GPHN: variants seen among roughly 807,000 people sequenced by gnomAD.
GPHN encodes the protein gephyrin.
GPHN carries 17 observed loss-of-function variants against 95.5 expected under a neutral mutation model. The ratio of observed to expected loss-of-function variants is 0.18; its 90% CI spans 0.12 to 0.27. The LOEUF (loss-of-function observed/expected upper bound fraction) is 0.27. Ranked by LOEUF, GPHN falls within the 10% of genes least tolerant of loss-of-function variation. The pLI, the probability that GPHN is intolerant of heterozygous loss-of-function variation, is 1.00. For missense variants in GPHN, 660 were observed against 978.1 expected, an observed-to-expected ratio of 0.67 and a Z score of 4.34; for synonymous variants, 320 against 322.5, an observed-to-expected ratio of 0.99 and a Z score of 0.08.
At chr14:66,515,072 T>C (rs1394878884) in intron 1 of GPHN, among the ~76,000 whole-genome samples, 1 of 152,158 alleles carries the variant, frequency 6.6e-6, no homozygotes, top group Non-Finnish European at 1.5e-5. Flanking sequence ...TGAAAATGCC[T>C]AGCATTTTCA....
intron 3 of GPHN, among the ~76,000 whole-genome samples, chr14:66,795,932 C>A (rs1314728444): frequency 6.6e-6 from 1 of 151,998 alleles, no homozygotes; most frequent in Non-Finnish European, 1.5e-5. Flanking sequence ...CTTATTCATT[C>A]ATTCTGTTTT....
intron 4 of GPHN, among the ~76,000 whole-genome samples, chr14:66,827,139 G>A (rs1258672882): frequency 1.3e-5 from 2 of 152,110 alleles, no homozygotes; most frequent in African/African-American, 4.8e-5. Flanking sequence ...CAAAGAATTA[G>A]CTGGGCATGG....
the GPHN span, chr14:67,642,500 A>G: frequency 1.4e-5 from 14 of 1,036,620 alleles, no homozygotes; most frequent in Non-Finnish European, 1.9e-5. Context: ...AATGAACAGC[A>G]AGCATTTAAA....
intron 8 of GPHN, among the ~76,000 whole-genome samples, chr14:66,927,161 C>T (rs868699581): frequency 1.3e-5 from 2 of 151,848 alleles, no homozygotes; most frequent in Non-Finnish European, 2.9e-5. Flanking sequence ...CCAGCCTAAC[C>T]GACAAGGTGA....
At chr14:66,643,829 CTT>C (rs1384156550) in intron 1 of GPHN, among the ~76,000 whole-genome samples, 2 of 150,738 alleles carry the variant, frequency 1.3e-5, no homozygotes, top group Non-Finnish European at 3.0e-5. Context: ...TGTTTTCACT[CTT>C]TTTATTCTTT....
chr14:67,679,833 A>AG, the GPHN span, among the ~76,000 whole-genome samples: 6 of 152,246 alleles, frequency 3.9e-5, no homozygotes, highest in African/African-American at 1.4e-4. Context: ...TTTAAAAAAA[A>AG]TGATTGAATG....
At chr14:67,462,720 A>G in the GPHN span, among the ~76,000 whole-genome samples, 1 of 152,242 alleles carries the variant, frequency 6.6e-6, no homozygotes, top group East Asian at 1.9e-4. Flanking sequence ...AACTAAGAGG[A>G]CAACAAAAAG....
At chr14:66,978,199 G>A (rs964848516) in intron 9 of GPHN, among the ~76,000 whole-genome samples, 4 of 152,186 alleles carry the variant, frequency 2.6e-5, no homozygotes, top group Non-Finnish European at 5.9e-5. Context: ...CAATGCTGAT[G>A]GCTGCTGACT....
chr14:67,266,450 C>T, the GPHN span, among the ~76,000 whole-genome samples: 6 of 152,010 alleles, frequency 3.9e-5, no homozygotes, highest in African/African-American at 7.2e-5. Flanking sequence ...CTCAGCCTGC[C>T]GAGTAGCTGG....
At chr14:67,391,766 TG>T in the GPHN span, among the ~76,000 whole-genome samples, 1 of 152,232 alleles carries the variant, frequency 6.6e-6, no homozygotes, top group African/African-American at 2.4e-5. Flanking sequence ...GGACACGGCT[TG>T]CCTCTGGTTC....
the GPHN span, chr14:67,390,887 T>C: frequency 1.4e-6 from 1 of 725,240 alleles, no homozygotes; most frequent in Non-Finnish European, 2.6e-6. Flanking sequence ...ACAGGAAACC[T>C]GAGGATAGCA....
At chr14:67,679,616 C>T in the GPHN span, among the ~76,000 whole-genome samples, 1 of 152,122 alleles carries the variant, frequency 6.6e-6, no homozygotes, top group East Asian at 1.9e-4. Context: ...GTTGGCCAGG[C>T]TGGTCTCGAA....
At chr14:67,326,725 CGTTT>C in the GPHN span, among the ~76,000 whole-genome samples, 1 of 152,044 alleles carries the variant, frequency 6.6e-6, no homozygotes, top group Non-Finnish European at 1.5e-5. Flanking sequence ...AGAAGCATGC[CGTTT>C]GTTAAAGTTT....
At chr14:66,759,268 G>A (rs1043195521) in intron 2 of GPHN, among the ~76,000 whole-genome samples, 2 of 152,094 alleles carry the variant, frequency 1.3e-5, no homozygotes, top group Admixed American at 1.3e-4. Flanking sequence ...ATTAGAAAGT[G>A]ACATTCTTTA....
At chr14:67,233,316 A>G in the GPHN span, among the ~76,000 whole-genome samples, 1 of 151,900 alleles carries the variant, frequency 6.6e-6, no homozygotes, top group Admixed American at 6.6e-5. Context: ...TAAATTTTGT[A>G]TTTTTTGTAG....
At chr14:67,265,089 A>T in the GPHN span, among the ~76,000 whole-genome samples, 2 of 152,348 alleles carry the variant, frequency 1.3e-5, no homozygotes, top group African/African-American at 2.4e-5. Flanking sequence ...TTTGTCTGGT[A>T]TAGTATATTC....
intron 2 of GPHN, among the ~76,000 whole-genome samples, chr14:66,772,900 A>G (rs1156893055): frequency 1.3e-5 from 2 of 152,172 alleles, no homozygotes; most frequent in African/African-American, 2.4e-5. Flanking sequence ...GTTTGCCCCA[A>G]TGTTGAAGTT....
chr14:67,012,394 A>AT (rs2073062601), intron 9 of GPHN, among the ~76,000 whole-genome samples: 1 of 152,108 alleles, frequency 6.6e-6, no homozygotes, highest in Admixed American at 6.5e-5. Context: ...GAAATAGCAG[A>AT]TTTTTTCCCA....
At chr14:67,555,336 G>A in the GPHN span, among the ~76,000 whole-genome samples, 3 of 152,188 alleles carry the variant, frequency 2.0e-5, no homozygotes, top group Admixed American at 1.3e-4. Context: ...AGGTGCCCTC[G>A]ACTGTGGGTG....
Sources: gnomAD v4.1 joint callset for allele counts (sites outside exome capture counted in the v4.1 genomes callset) on GRCh38, gnomAD v4.1.1 for gene constraint, MANE v1.5 for transcripts, NCBI Gene and HGNC (gene_info 2026-07-23, HGNC 2026-07-21) for gene names.